CNTN5: variants seen among roughly 807,000 people sequenced by gnomAD.
The protein encoded by CNTN5 is contactin-5.
A neutral mutation model predicts 129.1 loss-of-function variants in CNTN5; 77 were observed. That is an observed-to-expected ratio of 0.60 (90% CI 0.50 to 0.72). The LOEUF (loss-of-function observed/expected upper bound fraction) is 0.72. Among genes scored for constraint, CNTN5 ranks in the 30% least tolerant of loss-of-function variants. The pLI is 0.00. For missense variants in CNTN5, 1,478 were observed against 1,328.8 expected (o/e 1.11, Z -1.75); for synonymous variants, 509 against 465.6 (o/e 1.09, Z -1.20).
intron 9 of CNTN5, among the ~76,000 whole-genome samples, chr11:100,010,721 T>C (rs1196836358): frequency 6.6e-6 from 1 of 152,096 alleles, no homozygotes; most frequent in African/African-American, 2.4e-5. Context: ...CCACTTGACA[T>C]TTTCAAACCC....
chr11:99,105,185 G>A (rs924467987), intron 1 of CNTN5, among the ~76,000 whole-genome samples: 16 of 152,232 alleles, frequency 1.1e-4, no homozygotes, highest in African/African-American at 3.6e-4. Context: ...AGATTAATAA[G>A]TACACTTATG....
At chr11:99,304,714 T>C (rs988778574) in intron 1 of CNTN5, among the ~76,000 whole-genome samples, 3 of 152,200 alleles carry the variant, frequency 2.0e-5, no homozygotes, top group African/African-American at 4.8e-5. Flanking sequence ...GGTAAATTCC[T>C]TGATGTCCAG....
intron 3 of CNTN5, among the ~76,000 whole-genome samples, chr11:99,561,516 T>C (rs949448462): frequency 6.6e-6 from 1 of 152,182 alleles, no homozygotes; most frequent in Non-Finnish European, 1.5e-5. Context: ...TCGCTGTGCA[T>C]ACTGACTTGT....
At chr11:100,285,243 G>C (rs1296303061) in intron 18 of CNTN5, among the ~76,000 whole-genome samples, 1 of 152,146 alleles carries the variant, frequency 6.6e-6, no homozygotes, top group African/African-American at 2.4e-5. Context: ...CATTTTCAGA[G>C]TTAAACACGT....
rs191722305 is a variant in CNTN5 at position 99,098,916 on chromosome 11, T to A, written c.-210+77646T>A. Among the ~76,000 whole-genome samples the A allele has an allele frequency of 1.6e-4, 25 of 152,256 alleles. 1 individual carries two copies. Among genetic ancestry groups the A allele is most frequent in the Admixed American group, 1.6e-3 (24 of 15,258 alleles). ...AGACCATCTGTCTAGACAGGTGTTA[T>A]CGCACTGGTATCTAAAAGTAGAAAC... is the stretch of plus-strand genomic sequence containing the variant. On this transcript the variant is annotated intron_variant, in intron 1 of 24. Coordinates refer to ENST00000524871, the MANE Select transcript of CNTN5 (RefSeq NM_014361.4).
intron 3 of CNTN5, among the ~76,000 whole-genome samples, chr11:99,725,796 T>C (rs1472701917): frequency 6.6e-6 from 1 of 152,172 alleles, no homozygotes; most frequent in Non-Finnish European, 1.5e-5. Context: ...TTTTGAATGG[T>C]CCAGTGGTAA....
intron 2 of CNTN5, among the ~76,000 whole-genome samples, chr11:99,496,762 G>T (rs1946242026): frequency 1.3e-5 from 2 of 152,184 alleles, no homozygotes; most frequent in African/African-American, 4.8e-5. Context: ...TTCTCAAGAG[G>T]TGGTAAGTAA....
chr11:100,121,522 A>T (rs990736379), intron 13 of CNTN5, among the ~76,000 whole-genome samples: 10 of 151,936 alleles, frequency 6.6e-5, no homozygotes, highest in Non-Finnish European at 1.3e-4. Flanking sequence ...GGGGAGGGCA[A>T]TTGTTCCTCT....
chr11:99,573,684 C>T (rs777709095), intron 3 of CNTN5, among the ~76,000 whole-genome samples: 1 of 151,774 alleles, frequency 6.6e-6, no homozygotes, highest in Non-Finnish European at 1.5e-5. Flanking sequence ...GGCCTGAGTG[C>T]GGTGGCGTGA....
chr11:99,969,529 T>C (rs1951191640), intron 8 of CNTN5, among the ~76,000 whole-genome samples: 1 of 152,166 alleles, frequency 6.6e-6, no homozygotes, highest in South Asian at 2.1e-4. Flanking sequence ...TTCCATTTAA[T>C]AATCTCTAAT....
At chr11:99,646,491 A>G (rs916822505) in intron 3 of CNTN5, among the ~76,000 whole-genome samples, 3 of 152,026 alleles carry the variant, frequency 2.0e-5, no homozygotes, top group African/African-American at 7.2e-5. Context: ...AGATGGAAAA[A>G]CTCAAGGCAG....
At chr11:99,584,216 A>G (rs1389483237) in intron 3 of CNTN5, among the ~76,000 whole-genome samples, 1 of 152,230 alleles carries the variant, frequency 6.6e-6, no homozygotes, top group Non-Finnish European at 1.5e-5. Context: ...GGGACAAAGT[A>G]TATAGTACAT....
intron 18 of CNTN5, among the ~76,000 whole-genome samples, chr11:100,286,420 G>A (rs1950793901): frequency 1.3e-5 from 2 of 151,600 alleles, no homozygotes; most frequent in Admixed American, 1.3e-4. Flanking sequence ...AGAACGGGCA[G>A]ACTGCCTCCT....
chr11:100,327,895 T>C (rs1370208248), intron 21 of CNTN5, among the ~76,000 whole-genome samples: 1 of 152,154 alleles, frequency 6.6e-6, no homozygotes, highest in Non-Finnish European at 1.5e-5. Context: ...CTCTCAAAGA[T>C]GCAAAAATCA....
At chr11:99,344,414 C>G (rs771202288) in intron 2 of CNTN5, among the ~76,000 whole-genome samples, 3 of 152,254 alleles carry the variant, frequency 2.0e-5, no homozygotes, top group South Asian at 4.1e-4. Flanking sequence ...TGTTACTAAT[C>G]ACACATTGTT....
intron 1 of CNTN5, among the ~76,000 whole-genome samples, chr11:99,148,804 C>T (rs1490776101): frequency 1.3e-5 from 2 of 151,990 alleles, no homozygotes; most frequent in Non-Finnish European, 1.5e-5. Flanking sequence ...TCTCTCCATT[C>T]ATTCTGGAAA....
intron 2 of CNTN5, among the ~76,000 whole-genome samples, chr11:99,371,281 ATAAT>A (rs1939805659): frequency 6.6e-6 from 1 of 152,042 alleles, no homozygotes; most frequent in East Asian, 1.9e-4. Flanking sequence ...AGATTATAGC[ATAAT>A]TATATACACA....
intron 7 of CNTN5, among the ~76,000 whole-genome samples, chr11:99,929,701 C>T (rs967371866): frequency 3.9e-5 from 6 of 152,076 alleles, no homozygotes; most frequent in South Asian, 2.1e-4. Context: ...TAACTGCCCC[C>T]GTGATTAAAT....
At chr11:99,608,924 T>A (rs1950514400) in intron 3 of CNTN5, among the ~76,000 whole-genome samples, 1 of 152,188 alleles carries the variant, frequency 6.6e-6, no homozygotes, top group South Asian at 2.1e-4. Flanking sequence ...GCAATGGACA[T>A]AGACATTGCA....
Sources: allele counts gnomAD v4.1 joint callset (sites outside exome capture counted in the v4.1 genomes callset), GRCh38; gene constraint gnomAD v4.1.1; transcripts MANE v1.5; gene names NCBI Gene and HGNC (gene_info 2026-07-23, HGNC 2026-07-21).